Variants in FMNL2 observed in about 807,000 individuals in gnomAD.
FMNL2 encodes the protein formin like 2.
Under a neutral mutation model 130.2 loss-of-function variants are expected in FMNL2, and 51 were observed. That is an observed-to-expected ratio of 0.39 (90% confidence interval 0.31 to 0.49). The LOEUF is 0.49. Ranked by LOEUF, FMNL2 falls within the 20% of genes least tolerant of loss-of-function variation. FMNL2 has a pLI of 0.85. For missense variants in FMNL2, 977 were observed against 1,316.2 expected (o/e 0.74, Z 3.99); for synonymous variants, 465 against 467.1 (o/e 1.00, Z 0.06).
rs551839596 is a variant in FMNL2, at chr2:152,625,216, C to T, written c.1838-222C>T. On this transcript the variant is annotated intron_variant, in intron 15 of 25. Transcript: ENST00000288670. ...AAAAATCAACCCTTGGCCCTTAAGACGTCTTTTAATACAATGATGTGTTAG... is the reference window on the plus strand; with the variant it reads ...AAAAATCAACCCTTGGCCCTTAAGATGTCTTTTAATACAATGATGTGTTAG... The T allele has an allele frequency of 1.2e-4, 55 of 449,382 alleles. 1 individual carries two copies. In the South Asian group the frequency reaches 3.2e-3, roughly 26 times the overall value. 27.8% of individuals were successfully genotyped at this position (449,382 alleles called of 1,614,324 possible).
At chr2:152,476,031 G>A (rs1329483888) in intron 1 of FMNL2, among the ~76,000 whole-genome samples, 1 of 152,210 alleles carries the variant, frequency 6.6e-6, no homozygotes, top group Non-Finnish European at 1.5e-5. Context: ...TCCCTGAGTA[G>A]GGTGGTATGG....
intron 1 of FMNL2, among the ~76,000 whole-genome samples, chr2:152,448,204 TA>T (rs70974863): frequency 0.015 from 2,186 of 146,032 alleles, 36 homozygotes; most frequent in East Asian, 0.067. Context: ...GCTGATTTCT[TA>T]AAAAAAAAAA....
rs902643822 is a variant in FMNL2 at position 152,625,589 on chromosome 2, G to C, written c.1962+27G>C. 2.5e-6 allele frequency: 4 copies of C among 1,592,242 alleles called. No homozygotes were observed. The African/African-American group carries it at 5.4e-5, about 21-fold the overall frequency. The stretch of plus-strand genomic sequence containing the variant: ...TATTTTTCTCATTGGTTAGAAACTA[G>C]AGGTGCACTCTGTGCAGCAAAGCCG... On this transcript the variant is annotated intron_variant, in intron 16 of 25. Transcript: ENST00000288670.
rs550925080 is a variant in FMNL2, at chr2:152,530,559, A to G, written c.201+8533A>G. On this transcript the variant is annotated intron_variant, in intron 2 of 25. Coordinates refer to ENST00000288670, the MANE Select transcript of FMNL2 (RefSeq NM_052905.4). Reference sequence around the variant, plus strand: ...AATTAACTTCACCTTGTGAAGCGTGATGTGCTAGATGCTAAGACCACCACG... The same window carrying G: ...AATTAACTTCACCTTGTGAAGCGTGGTGTGCTAGATGCTAAGACCACCACG... Among the ~76,000 whole-genome samples, 5 of 152,324 alleles carry G rather than the reference A, an allele frequency of 3.3e-5. No homozygotes were observed. The South Asian group carries it at 6.2e-4, about 19-fold the overall frequency.
At chr2:152,405,956 AG>A (rs1685956529) in intron 1 of FMNL2, among the ~76,000 whole-genome samples, 1 of 152,180 alleles carries the variant, frequency 6.6e-6, no homozygotes, top group African/African-American at 2.4e-5. Context: ...TTCAGAAGCT[AG>A]GGGGATGTAG....
At chr2:152,348,409 C>T (rs1019827551) in intron 1 of FMNL2, among the ~76,000 whole-genome samples, 2 of 152,178 alleles carry the variant, frequency 1.3e-5, no homozygotes, top group Non-Finnish European at 2.9e-5. Context: ...GGAAGGGTCC[C>T]AGCAAATGAT....
intron 1 of FMNL2, among the ~76,000 whole-genome samples, chr2:152,490,646 A>G (rs1032918398): frequency 7.0e-6 from 1 of 142,730 alleles, no homozygotes; most frequent in Non-Finnish European, 1.5e-5. Context: ...TGTTGCTTCC[A>G]TGCAACGGCC....
At chr2:152,364,124 C>T (rs1210994417) in intron 1 of FMNL2, among the ~76,000 whole-genome samples, 2 of 152,034 alleles carry the variant, frequency 1.3e-5, no homozygotes, top group East Asian at 3.9e-4. Context: ...ATATTAATTA[C>T]AGACAAGTGA....
intron 1 of FMNL2, among the ~76,000 whole-genome samples, chr2:152,433,799 C>G (rs1002640332): frequency 7.2e-5 from 11 of 152,150 alleles, no homozygotes; most frequent in African/African-American, 2.7e-4. Context: ...CTGATTTCTT[C>G]TAGTTCTTCC....
intron 7 of FMNL2, among the ~76,000 whole-genome samples, chr2:152,577,164 T>C (rs1188079916): frequency 1.3e-5 from 2 of 151,998 alleles, no homozygotes; most frequent in African/African-American, 2.4e-5. Context: ...GTGGAGATGA[T>C]GAGAGGTGGT....
intron 1 of FMNL2, among the ~76,000 whole-genome samples, chr2:152,431,697 G>C (rs1411756126): frequency 6.6e-6 from 1 of 152,136 alleles, no homozygotes; most frequent in Non-Finnish European, 1.5e-5. Context: ...CCCAGTGTGA[G>C]GCTCATGCCT....
At chr2:152,475,503 T>C (rs1356274448) in intron 1 of FMNL2, among the ~76,000 whole-genome samples, 1 of 152,118 alleles carries the variant, frequency 6.6e-6, no homozygotes, top group Admixed American at 6.5e-5. Flanking sequence ...TGTTTTGTTT[T>C]GTTTTGTTTG....
chr2:152,438,932 C>A (rs1687914820), intron 1 of FMNL2, among the ~76,000 whole-genome samples: 1 of 151,844 alleles, frequency 6.6e-6, no homozygotes, highest in Non-Finnish European at 1.5e-5. Flanking sequence ...GTTTCTAGTA[C>A]CCGAGATTAG....
intron 6 of FMNL2, among the ~76,000 whole-genome samples, chr2:152,568,218 G>GTTTTTTTTTTTTTTTTTTTTTTTTTTTT (rs1177965681): frequency 2.6e-4 from 9 of 34,854 alleles, no homozygotes; most frequent in African/African-American, 7.6e-4. Context: ...ATTTTGGTGG[G>GTTTTTTTTTTTTTTTTTTTTTTTTTTTT]TTTTTTTTTT....
intron 9 of FMNL2, among the ~76,000 whole-genome samples, chr2:152,595,139 G>C (rs1324300652): frequency 6.6e-6 from 1 of 151,716 alleles, no homozygotes; most frequent in Non-Finnish European, 1.5e-5. Flanking sequence ...CAGATTTACT[G>C]GTTCACCACC....
rs555061297 is a variant in FMNL2 at position 152,383,265 on chromosome 2, C to G, written c.117+47545C>G. ...GAAACTTTTTAGGTGTGGACACTTC[C>G]GTTAATCCTTTTTTTTTTTTTTTTT... On this transcript the variant is annotated intron_variant, in intron 1 of 25. Transcript: ENST00000288670. Among the ~76,000 whole-genome samples the G allele has an allele frequency of 1.2e-3, 150 of 125,988 alleles. 4 individuals carry two copies. In the South Asian group the frequency reaches 0.039, roughly 33 times the overall value. 82.7% of individuals were successfully genotyped at this position (125,988 alleles called of 152,430 possible). A position where few individuals can be genotyped will look rare whatever the true frequency, so the allele number is the denominator to read the frequency against.
chr2:152,564,240 T>C (rs1305567793), intron 6 of FMNL2, among the ~76,000 whole-genome samples: 3 of 152,184 alleles, frequency 2.0e-5, no homozygotes, highest in Non-Finnish European at 2.9e-5. Flanking sequence ...GTTTAATTAG[T>C]ATATGTCTTC....
intron 6 of FMNL2, among the ~76,000 whole-genome samples, chr2:152,567,325 C>A (rs536259320): frequency 6.6e-6 from 1 of 152,268 alleles, no homozygotes; most frequent in South Asian, 2.1e-4. Flanking sequence ...GCACTGAAAC[C>A]TTTGATTAGA....
chr2:152,383,819 TGAG>T (rs1233645363), intron 1 of FMNL2, among the ~76,000 whole-genome samples: 7 of 152,198 alleles, frequency 4.6e-5, no homozygotes, highest in African/African-American at 1.7e-4. Flanking sequence ...GGCAAAGAAA[TGAG>T]GAGAAGTCAT....
Sources: allele counts gnomAD v4.1 joint callset (sites outside exome capture counted in the v4.1 genomes callset), GRCh38; gene constraint gnomAD v4.1.1; transcripts MANE v1.5; gene names NCBI Gene and HGNC (gene_info 2026-07-23, HGNC 2026-07-21).